Variants in HEATR5B observed in about 807,000 individuals in gnomAD.
HEATR5B encodes HEAT repeat containing 5B, also known as HEAT repeat-containing protein 5B.
A neutral mutation model predicts 224.1 loss-of-function variants in HEATR5B; 156 were observed. That is an observed-to-expected ratio of 0.70 (90% CI 0.61 to 0.80). HEATR5B has a LOEUF of 0.80. Among genes scored for constraint, HEATR5B ranks in the 30% least tolerant of loss-of-function variants. HEATR5B has a pLI of 0.00. For missense variants in HEATR5B, 2,323 were observed against 2,535.5 expected, an observed-to-expected ratio of 0.92 and a Z score of 1.80; for synonymous variants, 1,027 against 893.0, an observed-to-expected ratio of 1.15 and a Z score of -2.68.
intron 33 of HEATR5B, among the ~76,000 whole-genome samples, chr2:36,992,051 A>T (rs1396391994): frequency 1.3e-5 from 2 of 152,070 alleles, no homozygotes; most frequent in Non-Finnish European, 2.9e-5. Context: ...TACAAAAATT[A>T]GCTGGGCATG....
At chr2:37,046,898 G>A (rs532012438) in intron 18 of HEATR5B, among the ~76,000 whole-genome samples, 1 of 149,640 alleles carries the variant, frequency 6.7e-6, no homozygotes, top group South Asian at 2.1e-4. Context: ...AAAAATACAA[G>A]AATTAGCTGG....
At chr2:37,073,556 T>C (rs1257018795) in intron 5 of HEATR5B, among the ~76,000 whole-genome samples, 2 of 152,184 alleles carry the variant, frequency 1.3e-5, no homozygotes, top group Non-Finnish European at 2.9e-5. Flanking sequence ...GACGTTGACA[T>C]TGATAGAATT....
At chr2:37,003,768 C>A in intron 30 of HEATR5B, 82 bp from the exon 31 acceptor site, 1 of 962,026 alleles carries the variant, frequency 1.0e-6, no homozygotes. Flanking sequence ...GAGAAAATAC[C>A]TATGTAAAAA....
chr2:37,052,286 C>A (rs1370498122), intron 17 of HEATR5B, among the ~76,000 whole-genome samples: 1 of 152,162 alleles, frequency 6.6e-6, no homozygotes, highest in Non-Finnish European at 1.5e-5. Flanking sequence ...CTCTTTTCCA[C>A]AGGGGACACA....
chr2:36,983,054 T>C (rs577529290), intron 35 of HEATR5B, among the ~76,000 whole-genome samples: 23 of 152,300 alleles, frequency 1.5e-4, no homozygotes, highest in Admixed American at 6.5e-4. Flanking sequence ...ATCCAGTAAC[T>C]ATGCTTTGAA....
chr2:37,057,025 T>TAA lies in HEATR5B; in HGVS notation c.2223+290_2223+291dup, dbSNP rs1019344854. On this transcript the variant is annotated intron_variant, in intron 15 of 35. Transcript: ENST00000233099. Reference sequence around the variant, plus strand: ...CAACCTGTCACAAAACAAAACAAACTAAAACAAAACAAAATACCAATAACC... The same window carrying TAA: ...CAACCTGTCACAAAACAAAACAAACTAAAAAACAAAACAAAATACCAATAACC... 2.6e-5 allele frequency among the ~76,000 whole-genome samples: 4 copies of TAA among 152,104 alleles called. No homozygotes were observed. In the South Asian group the frequency reaches 8.3e-4, roughly 32 times the overall value.
intron 22 of HEATR5B, among the ~76,000 whole-genome samples, chr2:37,030,230 G>A (rs1669041717): frequency 6.6e-6 from 1 of 152,094 alleles, no homozygotes; most frequent in South Asian, 2.1e-4. Context: ...AATAAGGGGA[G>A]GTTTGAAGAA....
In HEATR5B at chr2:37,064,772, A is replaced by C. The variant is rs1445056140; in HGVS notation, c.1552T>G (p.Cys518Gly). The C allele has an allele frequency of 6.2e-7, 1 of 1,614,082 alleles. No individual in the cohort carries two copies. Among genetic ancestry groups the C allele is most frequent in the Non-Finnish European group, 8.5e-7 (1 of 1,179,998 alleles). Reference sequence around the variant, plus strand: ...TTGGCATGAGGAATGCCCAAAGGACACTGATGTACTCCACCTAACAAAGCA... The same window carrying C: ...TTGGCATGAGGAATGCCCAAAGGACCCTGATGTACTCCACCTAACAAAGCA... ...MAALLGGVHQ[C>G]PLGIPHAKGK... The change falls in exon 10 of 36, where the codon TGT becomes GGT. Residue 518 changes from cysteine (C) to glycine (G), a missense_variant. This residue lies in a region of HEATR5B where 502 missense variants were observed against 517.8 expected (regional missense o/e 0.97). Coordinates refer to ENST00000233099, the MANE Select transcript of HEATR5B (RefSeq NM_019024.3).
chr2:36,984,225 T>TATATATATATA (rs1553411521), intron 35 of HEATR5B, among the ~76,000 whole-genome samples: 46 of 75,290 alleles, frequency 6.1e-4, no homozygotes, highest in African/African-American at 1.7e-3. Context: ...AATATATATA[T>TATATATATATA]ATATATATAT....
intron 24 of HEATR5B, among the ~76,000 whole-genome samples, chr2:37,023,221 G>A (rs1453966965): frequency 6.6e-6 from 1 of 152,168 alleles, no homozygotes; most frequent in East Asian, 1.9e-4. Flanking sequence ...AAAGATCAGT[G>A]AACTGAAAAG....
chr2:37,048,436 C>G (rs1670336803), intron 18 of HEATR5B, among the ~76,000 whole-genome samples: 2 of 152,052 alleles, frequency 1.3e-5, no homozygotes, highest in South Asian at 4.1e-4. Context: ...CCACCCACCT[C>G]AGGCTCCCAA....
intron 22 of HEATR5B, among the ~76,000 whole-genome samples, chr2:37,031,439 T>TTC: frequency 6.6e-6 from 1 of 150,542 alleles, no homozygotes; most frequent in East Asian, 1.9e-4. Flanking sequence ...TCTTTCTTTT[T>TTC]TTTTTTTTTT....
At chr2:37,027,380 G>T (rs1219509433) in intron 24 of HEATR5B, among the ~76,000 whole-genome samples, 1 of 151,730 alleles carries the variant, frequency 6.6e-6, no homozygotes, top group Non-Finnish European at 1.5e-5. Flanking sequence ...ACAGATTCAG[G>T]GGATACATGG....
Position 37,083,268 on chromosome 2 carries a change from GAA to G in HEATR5B, c.126+19_126+20del, listed in dbSNP as rs749797168. The G allele has an allele frequency of 1.2e-6, 2 of 1,613,186 alleles. No individual in the cohort carries two copies. The highest frequency in any genetic ancestry group is 4.5e-5 in the East Asian group (2 of 44,844). Reference sequence around the variant, plus strand: ...AATCTCTTCACGTTAATGCAACTGGGAAAAAAGAGCAATACCATACCTTGTTG... The same window carrying G: ...AATCTCTTCACGTTAATGCAACTGGGAAAAGAGCAATACCATACCTTGTTG... On this transcript the variant is annotated intron_variant, in intron 2 of 35. Transcript: ENST00000233099.
chr2:37,070,973 C>G (rs1444577989), intron 6 of HEATR5B, among the ~76,000 whole-genome samples: 1 of 152,194 alleles, frequency 6.6e-6, no homozygotes, highest in Non-Finnish European at 1.5e-5. Flanking sequence ...CGACACAGAA[C>G]AGTTTTTAGA....
chr2:37,008,611 C>T lies in HEATR5B; in HGVS notation c.4522G>A (p.Gly1508Ser). 6.3e-7 allele frequency: 1 copy of T among 1,597,258 alleles called. No homozygotes were observed. Among genetic ancestry groups the T allele is most frequent in the Non-Finnish European group, 8.6e-7 (1 of 1,164,658 alleles). Residue 1508 changes from glycine to serine, a missense_variant and splice_region_variant, in exon 28 of 36, where the codon GGT becomes AGT. Physicochemically the swap from Gly to Ser is moderately conservative, Grantham distance 56. Coordinates refer to ENST00000233099, the MANE Select transcript of HEATR5B (RefSeq NM_019024.3). ...GTAAAACTCAGAATGTAATACTCACCATCTGGAGGAAGCTGACTAGAAAAT... is the reference window on the plus strand; with the variant it reads ...GTAAAACTCAGAATGTAATACTCACTATCTGGAGGAAGCTGACTAGAAAAT... Reference protein sequence around the residue: ...AEFSSQLPPDGGAFYTPETID... With the variant: ...AEFSSQLPPDSGAFYTPETID...
chr2:37,072,245 A>T lies in HEATR5B; in HGVS notation c.634T>A (p.Trp212Arg). ...GCTATATTTTCTAGTTCAGCAGTCC[A>T]CATAAATACAGCTTCATTCTGTAGT... is the stretch of plus-strand genomic sequence containing the variant. ...LELQNEAVFM[W>R]TAELENIATL... is the part of the protein sequence containing the mutation. Residue 212 changes from tryptophan (W) to arginine (R), a missense_variant, in exon 6 of 36, where the codon TGG becomes AGG. Trp to Arg is a moderately radical substitution (Grantham distance 101, BLOSUM62 -3). Around this residue, in one of 12 missense-constraint regions of HEATR5B, gnomAD observed 292 missense variants for 332.6 expected, o/e 0.88. Transcript: ENST00000233099. 1.2e-6 allele frequency: 2 copies of T among 1,613,684 alleles called. No homozygotes were observed. The highest frequency in any genetic ancestry group is 1.7e-6 in the Non-Finnish European group (2 of 1,179,704).
At chr2:37,028,279 TCTTA>T (rs1668905665) in intron 23 of HEATR5B, 105 bp from the exon 24 acceptor site, 1 of 673,296 alleles carries the variant, frequency 1.5e-6, no homozygotes, top group Non-Finnish European at 2.2e-6. Context: ...AAGACTAAAT[TCTTA>T]CTTGCTGGAA....
intron 22 of HEATR5B, among the ~76,000 whole-genome samples, chr2:37,029,659 C>T (rs1396345659): frequency 6.7e-6 from 1 of 149,098 alleles, no homozygotes; most frequent in Admixed American, 6.7e-5. Flanking sequence ...AGTGAAACTC[C>T]ACTGGGCACA....
Sources: allele counts gnomAD v4.1 joint callset (sites outside exome capture counted in the v4.1 genomes callset), GRCh38; gene constraint gnomAD v4.1.1; regional missense constraint gnomAD v4.1.1; transcripts MANE v1.5; gene names NCBI Gene and HGNC (gene_info 2026-07-23, HGNC 2026-07-21).